The following XPO4 variants were observed in gnomAD, a reference collection of about 807,000 sequenced individuals.
The protein encoded by XPO4 is exportin 4.
In XPO4, 39 loss-of-function variants were observed where a neutral mutation model predicts 143.0. That is an observed-to-expected ratio of 0.27 (90% confidence interval 0.21 to 0.36). The LOEUF is 0.36. Ranked by LOEUF, XPO4 falls within the 10% of genes least tolerant of loss-of-function variation. The pLI is 1.00. For synonymous variants in XPO4, 439 were observed against 474.0 expected (o/e 0.93, Z 0.96); for missense variants, 907 against 1,348.0 (o/e 0.67, Z 5.12).
Position 20,853,158 on chromosome 13 carries a change from T to G in XPO4, c.456+2469A>C, listed in dbSNP as rs1595132679. On this transcript the variant is annotated intron_variant, in intron 4 of 22. Transcript: ENST00000255305. ...CCAGCCTAGGCAACATAGTGAAACC[T>G]CATCGCTACAAAAAAACTTTAAAAA... 1.5e-5 allele frequency: 7 copies of G among 476,062 alleles called. No individual in the cohort carries two copies. In the East Asian group the frequency reaches 1.1e-3, roughly 73 times the overall value. The allele number at this position is 476,062 out of a possible 1,614,324, so 29.5% of individuals were successfully genotyped here. A position where few individuals can be genotyped will look rare whatever the true frequency, so the allele number is the denominator to read the frequency against.
At chr13:20,812,580 C>T (rs763751823) in intron 9 of XPO4, among the ~76,000 whole-genome samples, 2 of 151,928 alleles carry the variant, frequency 1.3e-5, no homozygotes, top group Non-Finnish European at 2.9e-5. Context: ...AACACTTGTT[C>T]ATCAAACAAT....
chr13:20,796,134 G>A lies in XPO4; in HGVS notation c.2739C>T (p.Leu913=). ...GCAGGTTAGTAAGAAGTTCCATAAT[G>A]AGAAGCAGGTCTTGGTATTGCTCTT... ...AEEEQYQDLL[L]IMELLTNLLS... is the part of the protein sequence containing the mutation. The change falls in exon 18 of 23, where the codon CTC becomes CTT. Residue 913 remains leucine (L), a synonymous_variant. Coordinates refer to ENST00000255305, the MANE Select transcript of XPO4 (RefSeq NM_022459.5). 6.2e-7 allele frequency: 1 copy of A among 1,613,780 alleles called. No individual in the cohort carries two copies. The highest frequency in any genetic ancestry group is 1.3e-5 in the African/African-American group (1 of 74,996).
At chr13:20,891,731 C>T (rs1211168304) in intron 1 of XPO4, among the ~76,000 whole-genome samples, 3 of 151,716 alleles carry the variant, frequency 2.0e-5, no homozygotes, top group Non-Finnish European at 4.4e-5. Flanking sequence ...GGCGTGGCAG[C>T]GTATGCCTGT....
At chr13:20,897,312 C>T (rs1424862530) in intron 1 of XPO4, among the ~76,000 whole-genome samples, 1 of 152,090 alleles carries the variant, frequency 6.6e-6, no homozygotes, top group Non-Finnish European at 1.5e-5. Context: ...CTCAAATATT[C>T]CTCAAACTCA....
chr13:20,848,844 A>C lies in XPO4; in HGVS notation c.457-4958T>G, dbSNP rs1481453119. The C allele has an allele frequency of 3.0e-6, 3 of 985,236 alleles. No homozygotes were observed. The East Asian group carries it at 3.4e-4, about 112-fold the overall frequency. The allele number at this position is 985,236 out of a possible 1,614,324, so 61.0% of individuals were successfully genotyped here. On this transcript the variant is annotated intron_variant, in intron 4 of 22. Transcript: ENST00000255305. ...AATTTTAATATGTCAAACAAGTAGAAGACAATGCAATGAGGTGTCAAAGTT... is the reference window on the plus strand; with the variant it reads ...AATTTTAATATGTCAAACAAGTAGACGACAATGCAATGAGGTGTCAAAGTT...
At position 20,783,590 on chromosome 13, in the gene XPO4, TATCA is replaced by T; in HGVS notation, c.*128_*131del. The stretch of plus-strand genomic sequence containing the variant: ...CTCCTGTTTCACTGTATTACATACA[TATCA>T]AAGTTTCAGGCTCTCCAAAATCCAA... On this transcript the variant is annotated 3_prime_UTR_variant, in exon 23 of 23. Transcript: ENST00000255305. 1.1e-6 allele frequency: 1 copy of T among 871,958 alleles called. No individual in the cohort carries two copies. The highest frequency in any genetic ancestry group is 2.5e-5 in the East Asian group (1 of 40,606). 54.0% of individuals were successfully genotyped at this position (871,958 alleles called of 1,614,324 possible). A position where few individuals can be genotyped will look rare whatever the true frequency, so the allele number is the denominator to read the frequency against.
rs1438872553 is a variant in XPO4, at chr13:20,862,625, CA to C, written c.317+91del. On this transcript the variant is annotated intron_variant, in intron 3 of 22. Transcript: ENST00000255305. ...ATAGGTGTGAGCCACTATACCCACCCAAAAGTTTTTAAAATGCAAACAAAAA... is the reference window on the plus strand; with the variant it reads ...ATAGGTGTGAGCCACTATACCCACCCAAAGTTTTTAAAATGCAAACAAAAA... The C allele has an allele frequency of 7.8e-6, 12 of 1,547,282 alleles. No homozygotes were observed. In the South Asian group the frequency reaches 1.3e-4, roughly 17 times the overall value.
intron 19 of XPO4, among the ~76,000 whole-genome samples, chr13:20,789,690 G>A (rs994407579): frequency 4.0e-5 from 6 of 151,808 alleles, no homozygotes; most frequent in African/African-American, 1.2e-4. Context: ...TTACAAGCGT[G>A]AGCCACTGCG....
intron 4 of XPO4, chr13:20,853,097 T>C: frequency 2.1e-6 from 2 of 961,038 alleles, no homozygotes; most frequent in Non-Finnish European, 1.2e-6. Context: ...TTTGGAAGGC[T>C]GAGGCAAGAG....
chr13:20,837,638 G>C (rs910635452), intron 6 of XPO4, among the ~76,000 whole-genome samples: 6 of 152,124 alleles, frequency 3.9e-5, no homozygotes, highest in Non-Finnish European at 5.9e-5. Context: ...ACCCGAGATT[G>C]AGCAATTTAC....
At chr13:20,824,429 G>T (rs1010040771) in intron 7 of XPO4, among the ~76,000 whole-genome samples, 1 of 151,972 alleles carries the variant, frequency 6.6e-6, no homozygotes, top group African/African-American at 2.4e-5. Context: ...GTCTCGAAGC[G>T]AGCAATCAGA....
At chr13:20,849,322 T>G (rs570151841) in intron 4 of XPO4, 195 of 985,290 alleles carry the variant, frequency 2.0e-4, no homozygotes, top group Non-Finnish European at 2.3e-4. Context: ...GACAAGTGAA[T>G]TTCTCACCCA....
rs1454221769 is a variant in XPO4 at position 20,891,756 on chromosome 13, G to A, written c.69+10914C>T. 4.0e-5 allele frequency among the ~76,000 whole-genome samples: 6 copies of A among 151,824 alleles called. No individual in the cohort carries two copies. In the East Asian group the frequency reaches 9.7e-4, roughly 25 times the overall value. On this transcript the variant is annotated intron_variant, in intron 1 of 22. Transcript: ENST00000255305. Reference sequence around the variant, plus strand: ...CGTATGCCTGTAGTCCCAGCTACTCGGGAGGCTGAGGCAGGAGAATTGCTT... The same window carrying A: ...CGTATGCCTGTAGTCCCAGCTACTCAGGAGGCTGAGGCAGGAGAATTGCTT...
At position 20,862,476 on chromosome 13, in the gene XPO4, GC is replaced by G. The variant is rs201650543; in HGVS notation, c.317+240del. 1.4e-4 allele frequency among the ~76,000 whole-genome samples: 21 copies of G among 152,194 alleles called. No homozygotes were observed. The East Asian group carries it at 2.7e-3, about 20-fold the overall frequency. On this transcript the variant is annotated intron_variant, in intron 3 of 22. Transcript: ENST00000255305. Reference sequence around the variant, plus strand: ...CAAAACTTAACCTTAAACATCTAGAGCTTTTTAAATTTTTTTTCTTTTTTTG... The same window carrying G: ...CAAAACTTAACCTTAAACATCTAGAGTTTTTAAATTTTTTTTCTTTTTTTG...
chr13:20,816,843 T>C (rs919359433), intron 9 of XPO4, among the ~76,000 whole-genome samples: 10 of 152,228 alleles, frequency 6.6e-5, no homozygotes, highest in East Asian at 5.8e-4. Context: ...TAAGGTAAAA[T>C]AGTAACTAGT....
At chr13:20,837,222 GTAGGATGTT>G (rs2059926515) in intron 6 of XPO4, among the ~76,000 whole-genome samples, 2 of 152,078 alleles carry the variant, frequency 1.3e-5, no homozygotes, top group Admixed American at 1.3e-4. Flanking sequence ...CCCGTGCTTT[GTAGGATGTT>G]TAGGATGTTT....
At chr13:20,889,863 A>C (rs2060495386) in intron 1 of XPO4, among the ~76,000 whole-genome samples, 1 of 128,114 alleles carries the variant, frequency 7.8e-6, no homozygotes, top group Admixed American at 7.4e-5. Context: ...ATATAAAGTT[A>C]ATGAAAAACT....
intron 18 of XPO4, among the ~76,000 whole-genome samples, chr13:20,794,509 A>T (rs530367682): frequency 6.6e-6 from 1 of 152,208 alleles, no homozygotes; most frequent in East Asian, 1.9e-4. Flanking sequence ...TGGGTTCCTG[A>T]CACACCTGGA....
In XPO4 at chr13:20,783,412, G is replaced by A. The variant is rs561721723; in HGVS notation, c.*310C>T. On this transcript the variant is annotated 3_prime_UTR_variant, in exon 23 of 23. Transcript: ENST00000255305. ...GCCACCTATGTTAAAAGGAAAAAAG[G>A]CACTGCATATGTATTTCGTGGTGCC... 2.3e-5 allele frequency: 7 copies of A among 310,170 alleles called. No individual in the cohort carries two copies. The South Asian group carries it at 3.7e-4, about 16-fold the overall frequency. 19.2% of individuals were successfully genotyped at this position (310,170 alleles called of 1,614,324 possible).
Sources: gnomAD v4.1 joint callset for allele counts (sites outside exome capture counted in the v4.1 genomes callset) on GRCh38, gnomAD v4.1.1 for gene constraint, MANE v1.5 for transcripts, NCBI Gene and HGNC (gene_info 2026-07-23, HGNC 2026-07-21) for gene names.